KLHL13: variants seen among roughly 807,000 people sequenced by gnomAD.
KLHL13 encodes kelch-like protein 13.
KLHL13 carries 10 observed loss-of-function variants against 37.1 expected under a neutral mutation model. The ratio of observed to expected loss-of-function variants is 0.27; its 90% CI spans 0.17 to 0.46. The LOEUF is 0.46. KLHL13 is among the 20% of genes least tolerant of loss of function. KLHL13 has a pLI of 1.00. For synonymous variants in KLHL13, 163 were observed against 181.2 expected, an observed-to-expected ratio of 0.90 and a Z score of 0.81; for missense variants, 360 against 509.3, an observed-to-expected ratio of 0.71 and a Z score of 2.82.
At chrX:118,008,072 A>C (rs2054007526) in intron 1 of KLHL13, among the ~76,000 whole-genome samples, 1 of 111,695 alleles carries the variant, frequency 9.0e-6, no homozygotes, top group Admixed American at 9.5e-5. Flanking sequence ...TATTTTTAGA[A>C]GCATCCACAT....
intron 1 of KLHL13, among the ~76,000 whole-genome samples, chrX:118,052,198 T>C (rs1031006824): frequency 7.2e-5 from 8 of 110,727 alleles, no homozygotes; most frequent in Non-Finnish European, 1.5e-4. Context: ...AGATTAAATA[T>C]TGCAATATGA....
chrX:118,007,228 A>C, intron 1 of KLHL13, among the ~76,000 whole-genome samples: 1 of 109,430 alleles, frequency 9.1e-6, no homozygotes, highest in South Asian at 4.1e-4. Flanking sequence ...TGGTGAACAT[A>C]GCGAGACCCC....
At chrX:117,972,924 C>A in exon 1 of KLHL13, 1 of 1,123,532 alleles carries the variant, frequency 8.9e-7, no homozygotes, top group Non-Finnish European at 1.2e-6. Context: ...ACAGCAGTGG[C>A]TGCCGCGGAG....
chrX:118,013,473 T>C (rs903837287), intron 1 of KLHL13, among the ~76,000 whole-genome samples: 1 of 111,971 alleles, frequency 8.9e-6, no homozygotes, highest in East Asian at 2.8e-4. Context: ...TGGAAATATA[T>C]TGAAAAACAC....
At chrX:117,965,931 A>T (rs1300423419) in intron 1 of KLHL13, among the ~76,000 whole-genome samples, 1 of 111,627 alleles carries the variant, frequency 9.0e-6, no homozygotes, top group African/African-American at 3.3e-5. Flanking sequence ...ATCTATGACA[A>T]ACCCACAGCC....
intron 1 of KLHL13, among the ~76,000 whole-genome samples, chrX:118,053,407 G>A (rs1009546983): frequency 2.7e-5 from 3 of 111,145 alleles, no homozygotes; most frequent in Non-Finnish European, 5.7e-5. Context: ...ACCAAACACC[G>A]AATGTTCTCA....
At chrX:117,999,464 G>A (rs1602637338) in intron 1 of KLHL13, among the ~76,000 whole-genome samples, 1 of 110,411 alleles carries the variant, frequency 9.1e-6, no homozygotes, top group Admixed American at 9.7e-5. Flanking sequence ...AATACCGCAT[G>A]TTCTCACTCA....
exon 7 of KLHL13, chrX:117,898,715 G>A: frequency 7.2e-6 from 3 of 415,085 alleles, no homozygotes; most frequent in Non-Finnish European, 4.0e-6. Context: ...TTCCAGAATG[G>A]TTGTGTTACC....
intron 2 of KLHL13, among the ~76,000 whole-genome samples, chrX:117,928,031 A>G (rs1932182508): frequency 8.9e-6 from 1 of 112,329 alleles, no homozygotes; most frequent in African/African-American, 3.2e-5. Context: ...CAAAGCAAAC[A>G]CTAATTAAAA....
At chrX:118,050,574 C>G (rs1463464355) in intron 1 of KLHL13, among the ~76,000 whole-genome samples, 2 of 111,465 alleles carry the variant, frequency 1.8e-5, no homozygotes, top group African/African-American at 6.5e-5. Context: ...TACTTAATTT[C>G]CTTCTTTCTT....
chrX:117,919,951 T>C (rs1042243340), intron 3 of KLHL13, among the ~76,000 whole-genome samples: 2 of 106,420 alleles, frequency 1.9e-5, no homozygotes, highest in African/African-American at 3.5e-5. Flanking sequence ...TCACTTCCTA[T>C]TTTTTGACAT....
chrX:118,023,546 CA>C (rs1201117227), intron 1 of KLHL13, among the ~76,000 whole-genome samples: 2 of 111,449 alleles, frequency 1.8e-5, no homozygotes, highest in Admixed American at 1.9e-4. Context: ...CTTTCTTAGT[CA>C]AAAAGAGTTT....
At chrX:118,017,762 T>C (rs1242668059) in intron 1 of KLHL13, among the ~76,000 whole-genome samples, 1 of 111,677 alleles carries the variant, frequency 9.0e-6, no homozygotes, top group Non-Finnish European at 1.9e-5. Context: ...CCCTACCCAG[T>C]AAGTGGTGAA....
intron 2 of KLHL13, among the ~76,000 whole-genome samples, chrX:117,926,896 T>A: frequency 2.2e-5 from 1 of 44,537 alleles, no homozygotes; most frequent in Non-Finnish European, 3.7e-5. Context: ...TTTTTTTTTT[T>A]TTTTTTTTTT....
chrX:117,990,168 AT>A (rs777784663), intron 1 of KLHL13, among the ~76,000 whole-genome samples: 2 of 111,939 alleles, frequency 1.8e-5, no homozygotes, highest in African/African-American at 3.2e-5. Flanking sequence ...ACAATTGCAC[AT>A]AGCATACCTA....
At chrX:117,902,023 C>T in intron 5 of KLHL13, 77 bp from the exon 7 acceptor site, 1 of 519,359 alleles carries the variant, frequency 1.9e-6, no homozygotes, top group African/African-American at 2.4e-5. Context: ...TTAAGTGGAA[C>T]AGTAATAATA....
At chrX:118,049,546 C>T (rs1265259002) in intron 1 of KLHL13, among the ~76,000 whole-genome samples, 1 of 110,355 alleles carries the variant, frequency 9.1e-6, no homozygotes, top group African/African-American at 3.3e-5. Flanking sequence ...GAGGTCTTAT[C>T]CTAAAATACC....
intron 1 of KLHL13, among the ~76,000 whole-genome samples, chrX:118,068,341 C>T (rs1018847843): frequency 9.0e-6 from 1 of 111,295 alleles, no homozygotes; most frequent in Non-Finnish European, 1.9e-5. Context: ...AAATAAACAG[C>T]TATATTTTAA....
At chrX:118,110,232 T>C (rs779879899) in intron 1 of KLHL13, among the ~76,000 whole-genome samples, 1 of 110,794 alleles carries the variant, frequency 9.0e-6, no homozygotes, top group Admixed American at 9.6e-5. Context: ...ATCTTAATGA[T>C]GTCAAGTTTA....
Sources: allele counts gnomAD v4.1 joint callset (sites outside exome capture counted in the v4.1 genomes callset), GRCh38; gene constraint gnomAD v4.1.1; transcripts MANE v1.5; gene names NCBI Gene and HGNC (gene_info 2026-07-23, HGNC 2026-07-21).